PTPRD: variants seen among roughly 807,000 people sequenced by gnomAD.
PTPRD encodes protein tyrosine phosphatase receptor type D, also known as receptor-type tyrosine-protein phosphatase delta.
A neutral mutation model predicts 214.5 loss-of-function variants in PTPRD; 34 were observed. That is an observed-to-expected ratio of 0.16 (90% CI 0.12 to 0.21). The LOEUF (loss-of-function observed/expected upper bound fraction) is 0.21. Among genes scored for constraint, PTPRD ranks in the 10% least tolerant of loss-of-function variants. The probability of loss-of-function intolerance (pLI) is 1.00; values close to 1 mark genes in which losing one functional copy is unlikely to be tolerated. For missense variants in PTPRD, 2,545 were observed against 2,398.7 expected, an observed-to-expected ratio of 1.06 and a Z score of -1.27; for synonymous variants, 1,128 against 845.7, an observed-to-expected ratio of 1.33 and a Z score of -5.79.
intron 11 of PTPRD, among the ~76,000 whole-genome samples, chr9:8,813,796 C>G (rs964699961): frequency 2.0e-5 from 3 of 152,220 alleles, no homozygotes; most frequent in African/African-American, 7.2e-5. Flanking sequence ...TTAAGCAATA[C>G]AGTTCTGCTG....
intron 2 of PTPRD, among the ~76,000 whole-genome samples, chr9:10,474,665 C>A (rs1337996819): frequency 6.6e-6 from 1 of 152,052 alleles, no homozygotes; most frequent in Non-Finnish European, 1.5e-5. Flanking sequence ...CTCTACACAC[C>A]AAATCAACAG....
At chr9:9,315,350 T>G (rs1231117271) in intron 9 of PTPRD, among the ~76,000 whole-genome samples, 1 of 152,012 alleles carries the variant, frequency 6.6e-6, no homozygotes, top group Non-Finnish European at 1.5e-5. Flanking sequence ...TGTATGTATA[T>G]ACAACTTATT....
intron 3 of PTPRD, among the ~76,000 whole-genome samples, chr9:10,156,740 A>T (rs1446640784): frequency 1.3e-5 from 2 of 151,844 alleles, no homozygotes; most frequent in African/African-American, 4.8e-5. Context: ...GTGTTGTGAA[A>T]TCTCCCCCTA....
At chr9:10,574,996 A>G (rs778899337) in intron 2 of PTPRD, among the ~76,000 whole-genome samples, 73 of 151,960 alleles carry the variant, frequency 4.8e-4, no homozygotes, top group Admixed American at 1.4e-3. Context: ...AAAATCAACA[A>G]AGAAAAAAAT....
chr9:9,338,197 A>C (rs1278951420), intron 9 of PTPRD, among the ~76,000 whole-genome samples: 1 of 152,210 alleles, frequency 6.6e-6, no homozygotes, highest in Non-Finnish European at 1.5e-5. Context: ...TAGTGCAAAG[A>C]ATTATTCTTA....
chr9:8,895,604 C>G (rs1043267038), intron 11 of PTPRD, among the ~76,000 whole-genome samples: 2 of 152,122 alleles, frequency 1.3e-5, no homozygotes, highest in Non-Finnish European at 1.5e-5. Flanking sequence ...CTCCTCTCCC[C>G]GATATGTGTG....
chr9:9,747,392 T>C (rs2098468452), intron 6 of PTPRD, among the ~76,000 whole-genome samples: 1 of 152,180 alleles, frequency 6.6e-6, no homozygotes, highest in Non-Finnish European at 1.5e-5. Flanking sequence ...GAACTTTATA[T>C]ATCTGCTCAC....
At chr9:9,357,232 A>G (rs1333029858) in intron 9 of PTPRD, among the ~76,000 whole-genome samples, 1 of 151,400 alleles carries the variant, frequency 6.6e-6, no homozygotes, top group Non-Finnish European at 1.5e-5. Flanking sequence ...TGTCTGGAAT[A>G]AAGGATGATG....
chr9:9,166,190 G>C (rs1156549724), intron 10 of PTPRD, among the ~76,000 whole-genome samples: 1 of 149,440 alleles, frequency 6.7e-6, no homozygotes, highest in Non-Finnish European at 1.5e-5. Flanking sequence ...CCTTACTGTG[G>C]TTTCTGATCC....
intron 9 of PTPRD, among the ~76,000 whole-genome samples, chr9:9,277,229 TC>T (rs1428651218): frequency 6.6e-6 from 1 of 151,528 alleles, no homozygotes; most frequent in East Asian, 2.0e-4. Context: ...AACAGTTGAT[TC>T]CCTATGTTTT....
At chr9:9,165,360 C>A (rs1003779866) in intron 10 of PTPRD, among the ~76,000 whole-genome samples, 1 of 152,082 alleles carries the variant, frequency 6.6e-6, no homozygotes, top group Non-Finnish European at 1.5e-5. Context: ...TAAGGCATTG[C>A]CTTCAAAGAG....
intron 9 of PTPRD, among the ~76,000 whole-genome samples, chr9:9,365,099 T>C (rs1166374836): frequency 6.6e-6 from 1 of 151,480 alleles, no homozygotes; most frequent in Non-Finnish European, 1.5e-5. Flanking sequence ...TGGAGAACAC[T>C]GAGTAATATG....
intron 3 of PTPRD, among the ~76,000 whole-genome samples, chr9:10,047,337 T>TGTGCGC (rs1491445418): frequency 6.9e-6 from 1 of 144,176 alleles, no homozygotes; most frequent in Non-Finnish European, 1.6e-5. Context: ...TGTGTGTGTG[T>TGTGCGC]GCGTGTGTGT....
At chr9:8,724,666 T>C (rs1024311966) in intron 12 of PTPRD, among the ~76,000 whole-genome samples, 1 of 152,154 alleles carries the variant, frequency 6.6e-6, no homozygotes, top group African/African-American at 2.4e-5. Context: ...CATTTATTTT[T>C]ATCATGTCTG....
chr9:10,160,078 TA>T (rs2099118356), intron 3 of PTPRD, among the ~76,000 whole-genome samples: 1 of 151,842 alleles, frequency 6.6e-6, no homozygotes, highest in South Asian at 2.1e-4. Context: ...TCTAAATATT[TA>T]ATGCCAAAAA....
intron 2 of PTPRD, among the ~76,000 whole-genome samples, chr9:10,410,206 T>C (rs1004110611): frequency 1.4e-5 from 2 of 146,092 alleles, no homozygotes; most frequent in Non-Finnish European, 3.0e-5. Flanking sequence ...AAGACTTTCA[T>C]TAAACAAATG....
intron 4 of PTPRD, among the ~76,000 whole-genome samples, chr9:9,980,608 C>CA (rs750547585): frequency 0.071 from 797 of 11,284 alleles, 220 homozygotes; most frequent in African/African-American, 0.1. Flanking sequence ...GACACCTTGT[C>CA]AAAAAAAAAC....
chr9:8,447,361 G>A (rs2095772241), intron 34 of PTPRD, among the ~76,000 whole-genome samples: 1 of 152,060 alleles, frequency 6.6e-6, no homozygotes, highest in Non-Finnish European at 1.5e-5. Flanking sequence ...TAAAGTCATT[G>A]GTGATACAAG....
chr9:10,135,583 T>C, intron 3 of PTPRD, among the ~76,000 whole-genome samples: 1 of 152,054 alleles, frequency 6.6e-6, no homozygotes, highest in Non-Finnish European at 1.5e-5. Context: ...TTTAGCATCC[T>C]TAAAGAAGCA....
Sources: gnomAD v4.1 joint callset for allele counts (sites outside exome capture counted in the v4.1 genomes callset) on GRCh38, gnomAD v4.1.1 for gene constraint, MANE v1.5 for transcripts, NCBI Gene and HGNC (gene_info 2026-07-23, HGNC 2026-07-21) for gene names.